Variants in ECE1 observed in about 807,000 individuals in gnomAD.
ECE1 encodes the protein endothelin converting enzyme 1, also known as endothelin-converting enzyme 1.
Under a neutral mutation model 98.6 loss-of-function variants are expected in ECE1, and 35 were observed. The observed-to-expected ratio is 0.35, with a 90% confidence interval of 0.27 to 0.47. ECE1 has a LOEUF of 0.47. Among genes scored for constraint, ECE1 ranks in the 20% least tolerant of loss-of-function variants. The pLI is 1.00. For synonymous variants in ECE1, 394 were observed against 407.1 expected, an observed-to-expected ratio of 0.97 and a Z score of 0.39; for missense variants, 814 against 1,025.3, an observed-to-expected ratio of 0.79 and a Z score of 2.81.
At chr1:21,239,875 G>A (rs1435513830) in intron 10 of ECE1, among the ~76,000 whole-genome samples, 1 of 151,706 alleles carries the variant, frequency 6.6e-6, no homozygotes, top group Non-Finnish European at 1.5e-5. Flanking sequence ...GACTTCATTG[G>A]TCAAACTCAT....
At chr1:21,278,812 A>G (rs949558233) in intron 3 of ECE1, among the ~76,000 whole-genome samples, 1 of 152,212 alleles carries the variant, frequency 6.6e-6, no homozygotes, top group Non-Finnish European at 1.5e-5. Context: ...ACCCAGAGCT[A>G]AAGTTGAAGA....
At chr1:21,295,958 G>T (rs1638341450) in intron 1 of ECE1, among the ~76,000 whole-genome samples, 1 of 152,098 alleles carries the variant, frequency 6.6e-6, no homozygotes. Flanking sequence ...GAACTGCCTG[G>T]CATCCAGCAG....
intron 1 of ECE1, among the ~76,000 whole-genome samples, chr1:21,342,644 A>ACC (rs1248935890): frequency 7.1e-6 from 1 of 141,608 alleles, no homozygotes; most frequent in Non-Finnish European, 1.5e-5. Flanking sequence ...ACACACACAC[A>ACC]CACGCCCTGC....
intron 3 of ECE1, among the ~76,000 whole-genome samples, chr1:21,273,651 C>G (rs1006896387): frequency 1.2e-4 from 19 of 152,176 alleles, no homozygotes; most frequent in African/African-American, 4.6e-4. Flanking sequence ...AGTGAGTGAC[C>G]TCAGGGAATC....
Position 21,326,411 on chromosome 1 carries a change from C to G in ECE1, c.3+18965G>C, listed in dbSNP as rs372941990. Among the ~76,000 whole-genome samples the G allele has an allele frequency of 4.0e-5, 6 of 151,896 alleles. No homozygotes were observed. The East Asian group carries it at 7.7e-4, about 20-fold the overall frequency. On this transcript the variant is annotated intron_variant, in intron 1 of 18. Transcript: ENST00000415912. ...GCTGGTCTCTAAGACAGCAGAGCCT[C>G]CAGTCCCCAGAGAGGGATCAGACCC...
intron 10 of ECE1, among the ~76,000 whole-genome samples, chr1:21,244,140 G>T (rs1399903608): frequency 6.6e-6 from 1 of 152,164 alleles, no homozygotes; most frequent in Admixed American, 6.6e-5. Context: ...GCTAGCTGCT[G>T]TCTGGGTTGG....
intron 1 of ECE1, among the ~76,000 whole-genome samples, chr1:21,311,113 A>G (rs1638713719): frequency 6.6e-6 from 1 of 152,222 alleles, no homozygotes; most frequent in South Asian, 2.1e-4. Context: ...GAATGTAGAC[A>G]AAGTGTGTGG....
chr1:21,318,671 C>CA (rs1323970889), intron 1 of ECE1, among the ~76,000 whole-genome samples: 1 of 152,056 alleles, frequency 6.6e-6, no homozygotes, highest in African/African-American at 2.4e-5. Context: ...GCAGAGGTGG[C>CA]AAAATCCTCC....
rs766785268 is a variant in ECE1 at position 21,255,904 on chromosome 1, T to C, written c.1020+43A>G. ...CCAGTCCAGGGCCCTGTCTGAAACC[T>C]GGAGGCCATCCCAGCCTCCCTAGCA... is the stretch of plus-strand genomic sequence containing the variant. On this transcript the variant is annotated intron_variant, in intron 8 of 18. Transcript: ENST00000374893. 3.7e-6 allele frequency: 6 copies of C among 1,604,660 alleles called. No individual in the cohort carries two copies. The South Asian group carries it at 4.4e-5, about 12-fold the overall frequency.
At chr1:21,285,555 C>T (rs1363355730) in intron 2 of ECE1, among the ~76,000 whole-genome samples, 3 of 152,060 alleles carry the variant, frequency 2.0e-5, no homozygotes, top group Admixed American at 6.6e-5. Flanking sequence ...CCAGGCATGA[C>T]GGCTCATATC....
At chr1:21,335,783 A>C (rs1479224069) in intron 1 of ECE1, among the ~76,000 whole-genome samples, 1 of 152,188 alleles carries the variant, frequency 6.6e-6, no homozygotes, top group Admixed American at 6.5e-5. Context: ...CCAGGAGCAA[A>C]GGCTCCCAAA....
At position 21,220,092 on chromosome 1, in the gene ECE1, C is replaced by G; in HGVS notation, c.2176G>C (p.Gly726Arg). ...SVRTPESSHE[G>R]LITDPHSPSR... is the part of the protein sequence containing the mutation. ...GGGCTGTGGGGATCGGTGATGAGGC[C>G]TTCGTGGGAGCTCTCAGGTGTGCGG... Residue 726 changes from glycine to arginine, a missense_variant, in exon 19 of 19, where the codon GGC (glycine) becomes CGC (arginine). Transcript: ENST00000374893. This position sits in a 1 kb window ranked among gnomAD's most constrained non-coding sequence, Gnocchi z 5.0. 2 of 1,613,952 alleles carry G rather than the reference C, an allele frequency of 1.2e-6. No individual in the cohort carries two copies. The highest frequency in any genetic ancestry group is 1.7e-6 in the Non-Finnish European group (2 of 1,179,896).
At chr1:21,296,705 C>T (rs1638363917) in intron 1 of ECE1, among the ~76,000 whole-genome samples, 1 of 152,188 alleles carries the variant, frequency 6.6e-6, no homozygotes, top group African/African-American at 2.4e-5. Context: ...AGCAGCTTGC[C>T]AGAGCTGGAG....
intron 1 of ECE1, among the ~76,000 whole-genome samples, chr1:21,321,948 TG>T (rs1638974558): frequency 6.6e-6 from 1 of 152,114 alleles, no homozygotes; most frequent in African/African-American, 2.4e-5. Context: ...AAACTGAGGC[TG>T]AGAGAGGGAA....
chr1:21,295,714 T>C (rs1558420229), intron 1 of ECE1, among the ~76,000 whole-genome samples: 1 of 152,242 alleles, frequency 6.6e-6, no homozygotes, highest in East Asian at 1.9e-4. Flanking sequence ...TCCGTGATTC[T>C]GATTTTCCAT....
chr1:21,246,357 G>A (rs1037594288), intron 9 of ECE1, among the ~76,000 whole-genome samples: 46 of 151,760 alleles, frequency 3.0e-4, no homozygotes, highest in Admixed American at 8.5e-4. Flanking sequence ...AACATTAGCC[G>A]GTGTGGTGGC....
Position 21,258,874 on chromosome 1 carries a change from G to A in ECE1, c.616-35C>T, listed in dbSNP as rs773018577. 2 of 1,613,180 alleles carry A rather than the reference G, an allele frequency of 1.2e-6. No individual in the cohort carries two copies. The highest frequency in any genetic ancestry group is 1.7e-6 in the Non-Finnish European group (2 of 1,179,590). ...GGGAGAGCAGGCAGGGAGGTGATGA[G>A]GTGGCGGGGAGACCCAGATGTGAAT... On this transcript the variant is annotated intron_variant, in intron 5 of 18. Coordinates refer to ENST00000374893, the MANE Select transcript of ECE1 (RefSeq NM_001397.3). The surrounding 1 kb of genome is among the most constrained non-coding windows in gnomAD (Gnocchi z 4.2).
At chr1:21,289,990 G>A in intron 2 of ECE1, 80 bp downstream of exon 2, 1 of 1,265,052 alleles carries the variant, frequency 7.9e-7, no homozygotes, top group Non-Finnish European at 1.0e-6. Flanking sequence ...GGGTAGGTAG[G>A]GGCGGGGGGC....
chr1:21,337,283 C>T (rs1639321469), intron 1 of ECE1, among the ~76,000 whole-genome samples: 1 of 152,196 alleles, frequency 6.6e-6, no homozygotes, highest in African/African-American at 2.4e-5. Context: ...GCGACACGGA[C>T]AAACCTCAAA....
Sources: allele counts gnomAD v4.1 joint callset (sites outside exome capture counted in the v4.1 genomes callset), GRCh38; gene constraint gnomAD v4.1.1; non-coding constraint Gnocchi (gnomAD v3.1); transcripts MANE v1.5; gene names NCBI Gene and HGNC (gene_info 2026-07-23, HGNC 2026-07-21).